CD4: variants seen among roughly 807,000 people sequenced by gnomAD.
The protein encoded by CD4 is T-cell surface glycoprotein CD4.
A neutral mutation model predicts 50.5 loss-of-function variants in CD4; 25 were observed. That is an observed-to-expected ratio of 0.49 (90% confidence interval 0.36 to 0.69). The LOEUF (loss-of-function observed/expected upper bound fraction) is 0.69, where lower values mean the gene tolerates loss of function less well. Ranked by LOEUF, CD4 falls within the 30% of genes least tolerant of loss-of-function variation. CD4 has a pLI of 0.00. For missense variants in CD4, 456 were observed against 548.5 expected (o/e 0.83, Z 1.68); for synonymous variants, 207 against 221.9 (o/e 0.93, Z 0.60).
At chr12:6,793,960 CTATCTATCTA>C (rs772381541) in intron 1 of CD4, among the ~76,000 whole-genome samples, 212 of 54,644 alleles carry the variant, frequency 3.9e-3, no homozygotes, top group African/African-American at 0.017. Context: ...CACCCGGCTT[CTATCTATCTA>C]TATCTATCTA....
chr12:6,818,225 C>T lies in CD4; in HGVS notation c.1157-196C>T, dbSNP rs1234210102. On this transcript the variant is annotated intron_variant, in intron 7 of 9. Transcript: ENST00000011653. This position sits in a 1 kb window ranked among gnomAD's most constrained non-coding sequence, Gnocchi z 5.0. ...CCACAGCTTCTCTCTCTCCAGAGTG[C>T]CCTGGATATGGATATGCCCAAACAT... Among the ~76,000 whole-genome samples, 1 of 152,188 alleles carries T rather than the reference C, an allele frequency of 6.6e-6. No individual in the cohort carries two copies. Among genetic ancestry groups the T allele is most frequent in the Non-Finnish European group, 1.5e-5 (1 of 68,028 alleles).
chr12:6,814,589 A>T lies in CD4; in HGVS notation c.374-170A>T, dbSNP rs764942685. ...ATGAGGGGAGAGGAGGAAAGAAGAG[A>T]GAGAGGAGGGGAGAGGGAAACCCTA... On this transcript the variant is annotated intron_variant, in intron 4 of 9. Transcript: ENST00000011653. The T allele has an allele frequency of 5.6e-6, 4 of 712,980 alleles. No homozygotes were observed. In the African/African-American group the frequency reaches 7.2e-5, roughly 13 times the overall value. 44.2% of individuals were successfully genotyped at this position (712,980 alleles called of 1,614,324 possible).
At chr12:6,810,835 C>T (rs1942916470) in intron 3 of CD4, among the ~76,000 whole-genome samples, 1 of 151,828 alleles carries the variant, frequency 6.6e-6, no homozygotes, top group South Asian at 2.1e-4. Flanking sequence ...GCAGGAACCA[C>T]TGAAGGAACA....
chr12:6,807,526 T>G (rs1233201077), intron 3 of CD4, among the ~76,000 whole-genome samples: 1 of 151,880 alleles, frequency 6.6e-6, no homozygotes, highest in African/African-American at 2.4e-5. Flanking sequence ...ATTATAGAAA[T>G]GGAGAACAGA....
chr12:6,806,156 TACACAC>T (rs56979845), intron 3 of CD4, among the ~76,000 whole-genome samples: 37 of 107,438 alleles, frequency 3.4e-4, no homozygotes, highest in South Asian at 2.1e-3. Flanking sequence ...AAAAGGTACA[TACACAC>T]ACACACACAC....
rs769472098 is a variant in CD4 at position 6,818,273 on chromosome 12, C to T, written c.1157-148C>T. 1.9e-4 allele frequency: 162 copies of T among 868,082 alleles called. 1 individual carries two copies. The highest frequency in any genetic ancestry group is 2.7e-4 in the Non-Finnish European group (152 of 561,444). The allele number at this position is 868,082 out of a possible 1,614,324, so 53.8% of individuals were successfully genotyped here. A position where few individuals can be genotyped will look rare whatever the true frequency, so the allele number is the denominator to read the frequency against. The stretch of plus-strand genomic sequence containing the variant: ...CATAAAACCGATTCCCCAGCACTGG[C>T]GGCCTTTGAGAGCCCCCAGGCACCC... On this transcript the variant is annotated intron_variant, in intron 7 of 9. Coordinates refer to ENST00000011653, the MANE Select transcript of CD4 (RefSeq NM_000616.5). This position sits in a 1 kb window ranked among gnomAD's most constrained non-coding sequence, Gnocchi z 5.0.
intron 4 of CD4, 130 bp from the exon 5 acceptor site, chr12:6,814,629 G>A: frequency 6.3e-6 from 5 of 795,454 alleles, no homozygotes; most frequent in Non-Finnish European, 1.1e-5. Flanking sequence ...GGCTGGGGGT[G>A]CGCAGCTGGG....
At chr12:6,794,467 G>A (rs919972665) in intron 1 of CD4, among the ~76,000 whole-genome samples, 1 of 151,796 alleles carries the variant, frequency 6.6e-6, no homozygotes, top group Non-Finnish European at 1.5e-5. Flanking sequence ...CGCCTCCCGG[G>A]TTCAAGTGAT....
intron 3 of CD4, among the ~76,000 whole-genome samples, chr12:6,811,294 C>T (rs761424429): frequency 6.6e-6 from 1 of 152,110 alleles, no homozygotes; most frequent in African/African-American, 2.4e-5. Flanking sequence ...GATTTTGGAG[C>T]TTCCACTGCA....
chr12:6,798,277 C>T (rs551749055), intron 1 of CD4, among the ~76,000 whole-genome samples: 1 of 95,046 alleles, frequency 1.1e-5, no homozygotes, highest in Admixed American at 9.7e-5. Context: ...TCACGCCATT[C>T]TCCTGCCTCA....
chr12:6,803,745 A>T (rs1942635723), intron 3 of CD4, among the ~76,000 whole-genome samples: 3 of 151,514 alleles, frequency 2.0e-5, no homozygotes, highest in Non-Finnish European at 4.4e-5. Context: ...AGACCGTGCC[A>T]TTGCACTCCA....
chr12:6,805,078 G>A (rs1942686853), intron 3 of CD4, among the ~76,000 whole-genome samples: 1 of 72,392 alleles, frequency 1.4e-5, no homozygotes, highest in African/African-American at 5.9e-5. Flanking sequence ...CAGCTACTGG[G>A]GAGGCTGAGG....
chr12:6,799,975 GCTGGCTGCAAGGGTC>G, intron 1 of CD4, 82 bp from the exon 2 acceptor site: 1 of 633,214 alleles, frequency 1.6e-6, no homozygotes, highest in South Asian at 1.9e-5. Context: ...AGTTCACTAG[GCTGGCTGCAAGGGTC>G]CTGAGGGAGA....
At chr12:6,808,225 C>T (rs1195356467) in intron 3 of CD4, among the ~76,000 whole-genome samples, 4 of 138,322 alleles carry the variant, frequency 2.9e-5, no homozygotes, top group South Asian at 2.4e-4. Flanking sequence ...GAGGCCAAGG[C>T]GGGTGGATCA....
At chr12:6,802,076 A>G (rs1158492129) in intron 3 of CD4, among the ~76,000 whole-genome samples, 2 of 143,976 alleles carry the variant, frequency 1.4e-5, no homozygotes, top group Non-Finnish European at 3.0e-5. Flanking sequence ...TTTTCATCAT[A>G]TTGGCCAGGC....
Position 6,818,465 on chromosome 12 carries a change from GT to G in CD4, c.1202del (p.Val401GlyfsTer14). On this transcript the variant is annotated frameshift_variant, in exon 8 of 10. Coordinates refer to ENST00000011653, the MANE Select transcript of CD4 (RefSeq NM_000616.5). LOFTEE classifies it high-confidence loss of function. This position sits in a 1 kb window ranked among gnomAD's most constrained non-coding sequence, Gnocchi z 5.0. Reference protein sequence around the residue: ...STPVQPMALIVLGGVAGLLLF... With the variant: ...STPVQPMALIXLGGVAGLLLF... ...CCCGGTGCAGCCAATGGCCCTGATT[GT>G]GCTGGGGGGCGTCGCCGGCCTCCTG... is the stretch of plus-strand genomic sequence containing the variant. The G allele has an allele frequency of 6.2e-7, 1 of 1,612,994 alleles. No individual in the cohort carries two copies. The highest frequency in any genetic ancestry group is 1.1e-5 in the South Asian group (1 of 91,076).
intron 7 of CD4, among the ~76,000 whole-genome samples, chr12:6,817,916 G>C (rs1943133966): frequency 6.6e-6 from 1 of 150,604 alleles, no homozygotes; most frequent in South Asian, 2.1e-4. Flanking sequence ...CCCACACACT[G>C]TCGTACACGT....
At chr12:6,791,813 C>T (rs929725202) in intron 1 of CD4, among the ~76,000 whole-genome samples, 1 of 152,124 alleles carries the variant, frequency 6.6e-6, no homozygotes, top group Non-Finnish European at 1.5e-5. Flanking sequence ...GCCTGGGAGA[C>T]GGAGGCTGCA....
At chr12:6,798,018 T>C (rs1046489123) in intron 1 of CD4, among the ~76,000 whole-genome samples, 3 of 152,002 alleles carry the variant, frequency 2.0e-5, no homozygotes, top group Admixed American at 6.6e-5. Context: ...TGAGGCCATA[T>C]CTCAGGCTGT....
Sources: allele counts gnomAD v4.1 joint callset (sites outside exome capture counted in the v4.1 genomes callset), GRCh38; gene constraint gnomAD v4.1.1; non-coding constraint Gnocchi (gnomAD v3.1); transcripts MANE v1.5; gene names NCBI Gene and HGNC (gene_info 2026-07-23, HGNC 2026-07-21).